The following SMG9 variants were observed in gnomAD, a reference collection of about 807,000 sequenced individuals.
SMG9 encodes nonsense-mediated mRNA decay factor SMG9.
SMG9 carries 55 observed loss-of-function variants against 64.0 expected under a neutral mutation model. That is an observed-to-expected ratio of 0.86 (90% CI 0.69 to 1.08). SMG9 has a LOEUF of 1.08. Ranked by LOEUF, SMG9 falls within the 50% of genes least tolerant of loss-of-function variation. SMG9 has a pLI of 0.00. For missense variants in SMG9, 554 were observed against 681.3 expected (o/e 0.81, Z 2.08); for synonymous variants, 244 against 254.8 (o/e 0.96, Z 0.41).
At chr19:43,748,910 G>A (rs536747991) in intron 2 of SMG9, 2 of 480,202 alleles carry the variant, frequency 4.2e-6, no homozygotes, top group East Asian at 1.1e-4. Context: ...TACAGGAGGA[G>A]AGGCTGTGGA....
At chr19:43,749,748 C>A (rs148045415) in intron 2 of SMG9, among the ~76,000 whole-genome samples, 2 of 152,122 alleles carry the variant, frequency 1.3e-5, no homozygotes, top group African/African-American at 4.8e-5. Flanking sequence ...AGGAGGGGAG[C>A]GAGGCTGGGC....
chr19:43,731,611 G>A lies in SMG9; in HGVS notation c.1548C>T (p.Ser516=). Residue 516 remains serine (S), a synonymous_variant, in exon 14 of 14, where the codon AGC becomes AGT. Coordinates refer to ENST00000270066, the MANE Select transcript of SMG9 (RefSeq NM_019108.4). ...CTCCTTGGCCTCAGGCCAGCAGGCGGCTGTACTCTGCCAGAGCAGAGGACT... is the reference window on the plus strand; with the variant it reads ...CTCCTTGGCCTCAGGCCAGCAGGCGACTGTACTCTGCCAGAGCAGAGGACT... ...VRKSSALAEY[S]RLLA is the part of the protein sequence containing the mutation. 1 of 1,614,226 alleles carries A rather than the reference G, an allele frequency of 6.2e-7. No homozygotes were observed.
intron 1 of SMG9, among the ~76,000 whole-genome samples, chr19:43,751,497 C>A (rs1393996778): frequency 6.6e-6 from 1 of 152,258 alleles, no homozygotes; most frequent in Non-Finnish European, 1.5e-5. Context: ...TGGTTCCCAA[C>A]ATCCACTCCT....
chr19:43,754,255 T>C (rs895634496), intron 1 of SMG9: 4 of 152,080 alleles, frequency 2.6e-5, no homozygotes, highest in Admixed American at 6.5e-5. Context: ...TTGCACATTT[T>C]CCTAAGGACT....
At chr19:43,751,143 T>C (rs1421508202) in intron 1 of SMG9, among the ~76,000 whole-genome samples, 1 of 150,908 alleles carries the variant, frequency 6.6e-6, no homozygotes, top group African/African-American at 2.4e-5. Flanking sequence ...TCCTTTCTTC[T>C]TTTTTTTGAG....
chr19:43,746,009 C>CAA (rs1020212489), intron 5 of SMG9, among the ~76,000 whole-genome samples: 11 of 133,138 alleles, frequency 8.3e-5, no homozygotes, highest in African/African-American at 3.1e-4. Flanking sequence ...CACAAAAAAA[C>CAA]AAAAAAAAAA....
At chr19:43,733,059 G>A (rs1268478075) in intron 12 of SMG9, 57 bp from the exon 13 acceptor site, 13 of 1,546,040 alleles carry the variant, frequency 8.4e-6, no homozygotes, top group Non-Finnish European at 1.0e-5. Context: ...CTTTCTCCCA[G>A]TTAACAGCAT....
intron 5 of SMG9, 118 bp from the exon 6 acceptor site, chr19:43,745,002 A>G (rs983448704): frequency 1.6e-6 from 1 of 635,744 alleles, no homozygotes; most frequent in Non-Finnish European, 2.8e-6. Flanking sequence ...ATGAAGAGAA[A>G]CTCCTATAGT....
chr19:43,728,100 A>C lies in SMG9; in HGVS notation c.*3496T>G, dbSNP rs1027702799. On this transcript the variant is annotated 3_prime_UTR_variant, in exon 14 of 14. Coordinates refer to ENST00000270066, the MANE Select transcript of SMG9 (RefSeq NM_019108.4). ...TGATGGTGGCATTTAACATTTATTG[A>C]GGCTCAGCATAGGTCAGGCACTGAT... The C allele has an allele frequency of 1.3e-5, 2 of 152,238 alleles. No individual in the cohort carries two copies. The highest frequency in any genetic ancestry group is 4.8e-5 in the African/African-American group (2 of 41,536). 9.4% of individuals were successfully genotyped at this position (152,238 alleles called of 1,614,324 possible). A position where few individuals can be genotyped will look rare whatever the true frequency, so the allele number is the denominator to read the frequency against.
At position 43,738,199 on chromosome 19, in the gene SMG9, T is replaced by C. The variant is rs572976215; in HGVS notation, c.832A>G (p.Ile278Val). 4 of 1,614,024 alleles carry C rather than the reference T, an allele frequency of 2.5e-6. No homozygotes were observed. Among genetic ancestry groups the C allele is most frequent in the Admixed American group, 1.7e-5 (1 of 60,004 alleles). Reference sequence around the variant, plus strand: ...TCATTATTGATGAGATGGTCTAGGATAGAAGGGCTCAGGATGGGCTGCAGC... The same window carrying C: ...TCATTATTGATGAGATGGTCTAGGACAGAAGGGCTCAGGATGGGCTGCAGC... ...LDTQPILSPS[I>V]LDHLINNDRK... is the part of the protein sequence containing the mutation. Residue 278 changes from isoleucine (I) to valine (V), a missense_variant, in exon 8 of 14, where the codon ATC becomes GTC. Coordinates refer to ENST00000270066, the MANE Select transcript of SMG9 (RefSeq NM_019108.4).
chr19:43,745,082 C>G (rs1394966231), intron 5 of SMG9, among the ~76,000 whole-genome samples, 198 bp from the exon 6 acceptor site: 1 of 152,204 alleles, frequency 6.6e-6, no homozygotes, highest in East Asian at 1.9e-4. Flanking sequence ...ATGTTTTAGA[C>G]ACAAACAACA....
In SMG9 at chr19:43,747,870, G is replaced by A; in HGVS notation, c.253C>T (p.Pro85Ser). 1 of 1,610,058 alleles carries A rather than the reference G, an allele frequency of 6.2e-7. No individual in the cohort carries two copies. ...GGGGCTGGAGCAGGCGGGGCAGCAG[G>A]GGCTGTTGGAGGTGGTGGCTGTTTT... Reference protein sequence around the residue: ...RSKQPPPPTAPAAPPAPAPLE... With the variant: ...RSKQPPPPTASAAPPAPAPLE... Residue 85 changes from proline (P) to serine (S), a missense_variant, in exon 4 of 14, where the codon CCT becomes TCT. By Grantham distance (74) the Pro-to-Ser change is moderately conservative. Coordinates refer to ENST00000270066, the MANE Select transcript of SMG9 (RefSeq NM_019108.4).
chr19:43,752,902 T>TTAAAAAAAAAAAAAAAAAAAAAAAAAAAA (rs1969231724), intron 1 of SMG9, among the ~76,000 whole-genome samples: 1 of 96,300 alleles, frequency 1.0e-5, no homozygotes, highest in Non-Finnish European at 2.1e-5. Context: ...AGACCCTGTC[T>TTAAAAAAAAAAAAAAAAAAAAAAAAAAAA]AAAAAAAAAA....
At chr19:43,749,268 C>T (rs1969121573) in intron 2 of SMG9, among the ~76,000 whole-genome samples, 1 of 152,076 alleles carries the variant, frequency 6.6e-6, no homozygotes, top group Admixed American at 6.5e-5. Flanking sequence ...GCGAGAGAGG[C>T]ATTCAGGATA....
intron 8 of SMG9, 87 bp downstream of exon 8, chr19:43,738,035 G>T: frequency 7.6e-7 from 1 of 1,308,160 alleles, no homozygotes; most frequent in Non-Finnish European, 1.1e-6. Flanking sequence ...AAACTAAGTG[G>T]ACCACCCACA....
At position 43,733,740 on chromosome 19, in the gene SMG9, G is replaced by C; in HGVS notation, c.1103-7C>G. On this transcript the variant is annotated splice_region_variant and splice_polypyrimidine_tract_variant and intron_variant, in intron 10 of 13. Transcript: ENST00000270066. Reference sequence around the variant, plus strand: ...GCTTTGTTCTGCAAGAAGACTGAGGGTGGGAAGAGACGGGCCCTGTCAGGC... The same window carrying C: ...GCTTTGTTCTGCAAGAAGACTGAGGCTGGGAAGAGACGGGCCCTGTCAGGC... 6.2e-7 allele frequency: 1 copy of C among 1,612,680 alleles called. No homozygotes were observed. Among genetic ancestry groups the C allele is most frequent in the Non-Finnish European group, 8.5e-7 (1 of 1,178,794 alleles).
intron 9 of SMG9, 35 bp downstream of exon 9, chr19:43,737,562 C>G: frequency 6.3e-7 from 1 of 1,585,990 alleles, no homozygotes; most frequent in Non-Finnish European, 8.6e-7. Context: ...CTGCCTCATT[C>G]CTCCTCCCCA....
chr19:43,738,346 A>T, intron 7 of SMG9, 129 bp from the exon 8 acceptor site: 1 of 744,704 alleles, frequency 1.3e-6, no homozygotes, highest in South Asian at 1.9e-5. Context: ...TTAGAACAGC[A>T]AAAGGAAGTT....
chr19:43,737,965 G>A, intron 8 of SMG9, 157 bp downstream of exon 8: 1 of 741,146 alleles, frequency 1.3e-6, no homozygotes, highest in Admixed American at 2.3e-5. Flanking sequence ...AGCCAGTCCT[G>A]ACTCTCAGTG....
Sources: allele counts gnomAD v4.1 joint callset (sites outside exome capture counted in the v4.1 genomes callset), GRCh38; gene constraint gnomAD v4.1.1; transcripts MANE v1.5; gene names NCBI Gene and HGNC (gene_info 2026-07-23, HGNC 2026-07-21).